RYR2: variants seen among roughly 807,000 people sequenced by gnomAD.
RYR2 encodes cardiac muscle ryanodine receptor-calcium release channel.
RYR2 carries 227 observed loss-of-function variants against 601.1 expected under a neutral mutation model. The observed-to-expected ratio is 0.38, with a 90% confidence interval of 0.34 to 0.42. The LOEUF is 0.42. RYR2 is among the 10% of genes least tolerant of loss of function. The pLI is 1.00. For missense variants in RYR2, 4,646 were observed against 6,156.5 expected, an observed-to-expected ratio of 0.75 and a Z score of 8.21; for synonymous variants, 2,223 against 2,175.1, an observed-to-expected ratio of 1.02 and a Z score of -0.61.
At chr1:237,085,530 C>T (rs1666228346) in intron 1 of RYR2, among the ~76,000 whole-genome samples, 1 of 152,184 alleles carries the variant, frequency 6.6e-6, no homozygotes, top group South Asian at 2.1e-4. Context: ...AGGCTGAAGC[C>T]ACAAGGGTAT....
rs763875757 is a variant in RYR2, at chr1:237,595,702, CT to C, written c.4596+48del. On this transcript the variant is annotated intron_variant, in intron 34 of 104. Coordinates refer to ENST00000366574, the MANE Select transcript of RYR2 (RefSeq NM_001035.3). ...ATCAGTCTTCTAGGGAGGAAGACTT[CT>C]TTCCCCCATTAAAGGAAAACACAGT... 5 of 1,552,362 alleles carry C rather than the reference CT, an allele frequency of 3.2e-6. No homozygotes were observed. In the South Asian group the frequency reaches 4.9e-5, roughly 15 times the overall value.
At chr1:237,188,445 T>C (rs1679603941) in intron 1 of RYR2, among the ~76,000 whole-genome samples, 1 of 152,232 alleles carries the variant, frequency 6.6e-6, no homozygotes, top group Non-Finnish European at 1.5e-5. Context: ...TACTATTTTA[T>C]AGAAAATGGG....
chr1:237,048,414 C>T (rs138154635), intron 1 of RYR2, among the ~76,000 whole-genome samples: 1 of 152,280 alleles, frequency 6.6e-6, no homozygotes, highest in African/African-American at 2.4e-5. Flanking sequence ...GTACTCATTT[C>T]AACCTTCGTC....
intron 40 of RYR2, among the ~76,000 whole-genome samples, chr1:237,626,025 G>A (rs935739132): frequency 6.6e-6 from 1 of 152,078 alleles, no homozygotes; most frequent in Non-Finnish European, 1.5e-5. Context: ...AAAGATGGAT[G>A]GTCTCCATAG....
chr1:237,513,374 CTTTT>C (rs1238953760), intron 24 of RYR2, among the ~76,000 whole-genome samples: 1 of 152,094 alleles, frequency 6.6e-6, no homozygotes, highest in Non-Finnish European at 1.5e-5. Context: ...AACTCTAGTC[CTTTT>C]TGTTTGTTTC....
chr1:237,820,020 C>T (rs972388282), intron 101 of RYR2, among the ~76,000 whole-genome samples: 5 of 151,886 alleles, frequency 3.3e-5, no homozygotes, highest in Admixed American at 3.3e-4. Flanking sequence ...AACCTTGTCT[C>T]TACTAAAAAT....
At chr1:237,580,833 C>T (rs1572960925) in intron 29 of RYR2, among the ~76,000 whole-genome samples, 1 of 152,088 alleles carries the variant, frequency 6.6e-6, no homozygotes, top group East Asian at 1.9e-4. Flanking sequence ...GAGAAAAGAC[C>T]ATGTGAGGAT....
At chr1:237,110,129 C>T (rs1669290207) in intron 1 of RYR2, among the ~76,000 whole-genome samples, 1 of 151,982 alleles carries the variant, frequency 6.6e-6, no homozygotes, top group East Asian at 1.9e-4. Flanking sequence ...CTGACTTTTA[C>T]TCACTTAATT....
rs530372805 is a variant in RYR2 at position 237,377,512 on chromosome 1, A to G, written c.576+77A>G. ...CAATAAAATGATCTCTTTAAGGTTT[A>G]TATTGTAAATTATCTATGAAAATTG... On this transcript the variant is annotated intron_variant, in intron 8 of 104. Coordinates refer to ENST00000366574, the MANE Select transcript of RYR2 (RefSeq NM_001035.3). 17 of 1,056,150 alleles carry G rather than the reference A, an allele frequency of 1.6e-5. No individual in the cohort carries two copies. In the South Asian group the frequency reaches 2.4e-4, roughly 15 times the overall value. 65.4% of individuals were successfully genotyped at this position (1,056,150 alleles called of 1,614,324 possible).
Position 237,614,437 on chromosome 1 carries a change from G to A in RYR2, c.5309G>A (p.Ser1770Asn), listed in dbSNP as rs1678239780. The change falls in exon 37 of 105, where the codon AGC (serine) becomes AAC (asparagine). Residue 1770 changes from serine to asparagine, a missense_variant. Physicochemically the swap from Ser to Asn is conservative, Grantham distance 46. Around this residue, in one of 17 missense-constraint regions of RYR2, gnomAD observed 1,807 missense variants for 2,088.1 expected, o/e 0.87. Transcript: ENST00000366574. This position sits in a 1 kb window ranked among gnomAD's most constrained non-coding sequence, Gnocchi z 4.3. ...RMQFSSPSFV[S>N]ISNECYQYSP... ...CAGTTTTCCTCCCCCAGTTTTGTAA[G>A]CATTAGTAATGAATGTTACCAGTAC... 1.9e-6 allele frequency: 3 copies of A among 1,614,024 alleles called. No homozygotes were observed. The highest frequency in any genetic ancestry group is 2.5e-6 in the Non-Finnish European group (3 of 1,179,896).
chr1:237,433,154 G>A (rs34636078), intron 12 of RYR2, among the ~76,000 whole-genome samples: 28,423 of 151,796 alleles, frequency 0.19, 3,275 homozygotes, highest in East Asian at 0.3. Context: ...TACTAGAAAA[G>A]TAGTTAAAAT....
chr1:237,635,882 T>C (rs1169926656), intron 44 of RYR2, among the ~76,000 whole-genome samples: 1 of 152,230 alleles, frequency 6.6e-6, no homozygotes, highest in Admixed American at 6.5e-5. Flanking sequence ...TCAGGGCCTC[T>C]GCACCTGCTA....
intron 1 of RYR2, among the ~76,000 whole-genome samples, chr1:237,110,701 T>G (rs1186309068): frequency 6.6e-6 from 1 of 152,196 alleles, no homozygotes; most frequent in South Asian, 2.1e-4. Flanking sequence ...AGGTAGGCAC[T>G]GTTCCTCTAC....
intron 83 of RYR2, 82 bp downstream of exon 83, chr1:237,759,934 T>C (rs892316506): frequency 4.8e-6 from 4 of 839,086 alleles, no homozygotes; most frequent in South Asian, 4.4e-5. Flanking sequence ...TGACGATAAT[T>C]GCACATAGAA....
chr1:237,395,564 T>TTTTTTTTTTTTTTTTTTTTTTTTG (rs1400077755), intron 10 of RYR2, among the ~76,000 whole-genome samples: 1 of 77,630 alleles, frequency 1.3e-5, no homozygotes, highest in African/African-American at 5.9e-5. Context: ...TTTTTTTTTT[T>TTTTTTTTTTTTTTTTTTTTTTTTG]GAGACAGAGT....
chr1:237,801,677 C>G (rs1004416340), intron 97 of RYR2, among the ~76,000 whole-genome samples, 179 bp from the exon 98 acceptor site: 4 of 152,100 alleles, frequency 2.6e-5, no homozygotes, highest in African/African-American at 9.7e-5. Flanking sequence ...TCATGAAACT[C>G]TAGGATACAG....
intron 41 of RYR2, among the ~76,000 whole-genome samples, chr1:237,629,171 G>C (rs986691033): frequency 3.3e-5 from 5 of 151,916 alleles, no homozygotes; most frequent in Non-Finnish European, 1.5e-5. Context: ...ATAAATCTAA[G>C]CAATCATTAA....
chr1:237,653,185 A>G (rs1385632646), intron 51 of RYR2, among the ~76,000 whole-genome samples: 1 of 152,212 alleles, frequency 6.6e-6, no homozygotes, highest in Non-Finnish European at 1.5e-5. Flanking sequence ...CAATCAGTAA[A>G]GTAATAAATT....
At chr1:237,236,365 A>G (rs967609451) in intron 1 of RYR2, among the ~76,000 whole-genome samples, 1 of 152,190 alleles carries the variant, frequency 6.6e-6, no homozygotes, top group Non-Finnish European at 1.5e-5. Flanking sequence ...TACCAGGAAA[A>G]GATAAGAAAT....
Sources: gnomAD v4.1 joint callset for allele counts (sites outside exome capture counted in the v4.1 genomes callset) on GRCh38, gnomAD v4.1.1 for gene constraint, gnomAD v4.1.1 regional missense constraint, Gnocchi (gnomAD v3.1) non-coding constraint, MANE v1.5 for transcripts, NCBI Gene and HGNC (gene_info 2026-07-23, HGNC 2026-07-21) for gene names.